Variants in LHFPL3 observed in about 807,000 individuals in gnomAD.
LHFPL3 encodes the protein LHFPL tetraspan subfamily member 3 protein.
A neutral mutation model predicts 19.3 loss-of-function variants in LHFPL3; 5 were observed. The ratio of observed to expected loss-of-function variants is 0.26; its 90% CI spans 0.14 to 0.54. The LOEUF (loss-of-function observed/expected upper bound fraction) is 0.54. Ranked by LOEUF, LHFPL3 falls within the 20% of genes least tolerant of loss-of-function variation. The pLI is 0.94. For synonymous variants in LHFPL3, 133 were observed against 126.2 expected, an observed-to-expected ratio of 1.05 and a Z score of -0.36; for missense variants, 249 against 307.4, an observed-to-expected ratio of 0.81 and a Z score of 1.42.
chr7:104,422,164 C>T (rs1484967365), intron 1 of LHFPL3, among the ~76,000 whole-genome samples: 1 of 152,162 alleles, frequency 6.6e-6, no homozygotes, highest in Non-Finnish European at 1.5e-5. Flanking sequence ...AGTTCAAGAC[C>T]AGCCTGGCCA....
intron 1 of LHFPL3, among the ~76,000 whole-genome samples, chr7:104,364,624 G>A (rs1790450729): frequency 6.6e-6 from 1 of 152,190 alleles, no homozygotes; most frequent in Non-Finnish European, 1.5e-5. Flanking sequence ...AGAAAGGATA[G>A]GGTGTTAGGA....
chr7:104,671,474 C>CT (rs1430921886), intron 1 of LHFPL3, among the ~76,000 whole-genome samples: 1 of 149,628 alleles, frequency 6.7e-6, no homozygotes, highest in African/African-American at 2.5e-5. Context: ...GATTTGTAAT[C>CT]TGTAGACTTA....
chr7:104,591,493 C>T (rs1388882459), intron 1 of LHFPL3, among the ~76,000 whole-genome samples: 2 of 152,214 alleles, frequency 1.3e-5, no homozygotes, highest in African/African-American at 2.4e-5. Flanking sequence ...TGCTGTTAGT[C>T]TGATGGGCTT....
In LHFPL3 at chr7:104,667,264, T is replaced by TGGGGG. The variant is rs112543248; in HGVS notation, c.446-69406_446-69402dup. On this transcript the variant is annotated intron_variant, in intron 1 of 2. Coordinates refer to ENST00000424859, the MANE Select transcript of LHFPL3 (RefSeq NM_199000.3). ...CCCCTCCTACAATCATCTGTTTTCT[T>TGGGGG]GGGGGGGGGAATCTTTAATTGGCTT... is the stretch of plus-strand genomic sequence containing the variant. Among the ~76,000 whole-genome samples the TGGGGG allele has an allele frequency of 3.8e-3, 563 of 147,750 alleles. 11 individuals are homozygous for TGGGGG. The highest frequency in any genetic ancestry group is 0.014 in the African/African-American group (536 of 38,548).
chr7:104,879,411 G>C (rs1792005429), intron 2 of LHFPL3, among the ~76,000 whole-genome samples: 1 of 151,320 alleles, frequency 6.6e-6, no homozygotes, highest in African/African-American at 2.4e-5. Context: ...GTGAGACCCT[G>C]TCTCAAAAAA....
chr7:104,524,733 T>G (rs908280504), intron 1 of LHFPL3, among the ~76,000 whole-genome samples: 1 of 152,128 alleles, frequency 6.6e-6, no homozygotes, highest in Non-Finnish European at 1.5e-5. Context: ...CCAGGAAAAA[T>G]GGAAATGCTT....
chr7:104,526,808 A>G (rs1794195906), intron 1 of LHFPL3, among the ~76,000 whole-genome samples: 1 of 152,244 alleles, frequency 6.6e-6, no homozygotes, highest in African/African-American at 2.4e-5. Flanking sequence ...CACTCATTCA[A>G]CAGTTGTTTA....
At chr7:104,785,273 A>C (rs1220113119) in intron 2 of LHFPL3, 1 of 150,588 alleles carries the variant, frequency 6.6e-6, no homozygotes, top group South Asian at 2.1e-4. Flanking sequence ...CCCTCTTCAC[A>C]CTCCCAAGGA....
chr7:104,563,009 G>C (rs897596354), intron 1 of LHFPL3, among the ~76,000 whole-genome samples: 2 of 152,190 alleles, frequency 1.3e-5, no homozygotes, highest in Non-Finnish European at 2.9e-5. Context: ...TCAGGGGTCA[G>C]GGACCCACTT....
Position 104,532,813 on chromosome 7 carries a change from G to A in LHFPL3, c.445+203589G>A, listed in dbSNP as rs991475047. ...TACATACATTCTCAAAGGCCTGCCTGGTTAATTTAGTTTTGCACTGGTAAA... is the reference window on the plus strand; with the variant it reads ...TACATACATTCTCAAAGGCCTGCCTAGTTAATTTAGTTTTGCACTGGTAAA... On this transcript the variant is annotated intron_variant, in intron 1 of 2. Transcript: ENST00000424859. 2.6e-5 allele frequency among the ~76,000 whole-genome samples: 4 copies of A among 152,258 alleles called. No homozygotes were observed. The East Asian group carries it at 7.7e-4, about 29-fold the overall frequency.
intron 1 of LHFPL3, among the ~76,000 whole-genome samples, chr7:104,542,103 C>G (rs575177561): frequency 2.0e-5 from 3 of 151,974 alleles, no homozygotes; most frequent in African/African-American, 7.2e-5. Context: ...TCACAGGGCT[C>G]TCCTTCCTGG....
chr7:104,734,644 C>A (rs1366253534), intron 1 of LHFPL3, among the ~76,000 whole-genome samples: 2 of 152,206 alleles, frequency 1.3e-5, no homozygotes, highest in Non-Finnish European at 2.9e-5. Context: ...AGGTTTTTAA[C>A]TTCTTTGCCA....
chr7:104,349,831 A>G (rs1333898742), intron 1 of LHFPL3, among the ~76,000 whole-genome samples: 1 of 152,232 alleles, frequency 6.6e-6, no homozygotes, highest in African/African-American at 2.4e-5. Flanking sequence ...AATTTGCTAT[A>G]ACCTTACTTT....
intron 1 of LHFPL3, among the ~76,000 whole-genome samples, chr7:104,427,619 G>A (rs750626269): frequency 3.9e-5 from 6 of 152,136 alleles, no homozygotes; most frequent in African/African-American, 1.2e-4. Context: ...TCTTTGTATT[G>A]CCACAGCCTG....
At chr7:104,523,803 A>G (rs1794129021) in intron 1 of LHFPL3, among the ~76,000 whole-genome samples, 1 of 152,202 alleles carries the variant, frequency 6.6e-6, no homozygotes, top group Non-Finnish European at 1.5e-5. Flanking sequence ...TGATTTAGTA[A>G]TAGAGTAACA....
intron 2 of LHFPL3, among the ~76,000 whole-genome samples, chr7:104,882,345 T>C (rs1792073892): frequency 6.6e-6 from 1 of 152,172 alleles, no homozygotes; most frequent in Non-Finnish European, 1.5e-5. Flanking sequence ...CCTCCCAGGT[T>C]CCAGCGATTC....
intron 2 of LHFPL3, among the ~76,000 whole-genome samples, chr7:104,758,777 C>A (rs1462221925): frequency 2.6e-5 from 4 of 152,118 alleles, no homozygotes; most frequent in East Asian, 1.9e-4. Context: ...TAGGTACACA[C>A]AAGGAGGGGC....
At chr7:104,443,943 T>C (rs966009443) in intron 1 of LHFPL3, among the ~76,000 whole-genome samples, 2 of 152,256 alleles carry the variant, frequency 1.3e-5, no homozygotes, top group Non-Finnish European at 2.9e-5. Context: ...ACTGGACTTA[T>C]TGAACTGAGA....
At chr7:104,616,639 GA>G (rs1791348134) in intron 1 of LHFPL3, among the ~76,000 whole-genome samples, 1 of 152,146 alleles carries the variant, frequency 6.6e-6, no homozygotes, top group South Asian at 2.1e-4. Context: ...TGACAAATGG[GA>G]TCTAATTAAA....
Sources: allele counts gnomAD v4.1 joint callset (sites outside exome capture counted in the v4.1 genomes callset), GRCh38; gene constraint gnomAD v4.1.1; transcripts MANE v1.5; gene names NCBI Gene and HGNC (gene_info 2026-07-23, HGNC 2026-07-21).